Variants in GDPD5 observed in about 807,000 individuals in gnomAD.
GDPD5 encodes the protein glycerophosphodiester phosphodiesterase 2.
In GDPD5, 48 loss-of-function variants were observed where a neutral mutation model predicts 75.1. The ratio of observed to expected loss-of-function variants is 0.64; its 90% CI spans 0.51 to 0.81. GDPD5 has a LOEUF of 0.81. GDPD5 is among the 40% of genes least tolerant of loss of function. The pLI, the probability that GDPD5 is intolerant of heterozygous loss-of-function variation, is 0.00. For synonymous variants in GDPD5, 336 were observed against 339.0 expected, an observed-to-expected ratio of 0.99 and a Z score of 0.10; for missense variants, 706 against 822.6, an observed-to-expected ratio of 0.86 and a Z score of 1.73.
At chr11:75,510,985 GTCTT>G (rs1201499524) in intron 1 of GDPD5, among the ~76,000 whole-genome samples, 1 of 152,200 alleles carries the variant, frequency 6.6e-6, no homozygotes, top group Non-Finnish European at 1.5e-5. Context: ...TTTAAGGCTT[GTCTT>G]TCTTTGAAAA....
chr11:75,466,646 C>A (rs1949522994), intron 3 of GDPD5, among the ~76,000 whole-genome samples: 1 of 152,176 alleles, frequency 6.6e-6, no homozygotes, highest in African/African-American at 2.4e-5. Context: ...CACAGAAGCT[C>A]AGAGAAGGGC....
chr11:75,453,377 GGGAGGCCGAGGTGGGC>G (rs1949212979), intron 6 of GDPD5, among the ~76,000 whole-genome samples: 1 of 152,144 alleles, frequency 6.6e-6, no homozygotes, highest in African/African-American at 2.4e-5. Flanking sequence ...CCAGCACTTT[GGGAGGCCGAGGTGGGC>G]GGATCACGAG....
chr11:75,486,014 G>A (rs1950015874), intron 2 of GDPD5, among the ~76,000 whole-genome samples: 1 of 152,174 alleles, frequency 6.6e-6, no homozygotes, highest in Non-Finnish European at 1.5e-5. Context: ...GTCTGAGGCT[G>A]AACTGGAACA....
At chr11:75,500,647 C>T (rs949784175) in intron 1 of GDPD5, among the ~76,000 whole-genome samples, 3 of 152,166 alleles carry the variant, frequency 2.0e-5, no homozygotes, top group Non-Finnish European at 2.9e-5. Flanking sequence ...ACTCAAGTAT[C>T]CTGCAACCCT....
intron 1 of GDPD5, chr11:75,508,333 G>T (rs764998852): frequency 1.3e-5 from 2 of 152,234 alleles, no homozygotes; most frequent in Non-Finnish European, 2.9e-5. Flanking sequence ...CCTAGCATTA[G>T]ATCTGCCTTG....
intron 3 of GDPD5, among the ~76,000 whole-genome samples, chr11:75,470,164 G>T (rs532028000): frequency 1.3e-5 from 2 of 152,342 alleles, no homozygotes; most frequent in African/African-American, 2.4e-5. Context: ...AGAGAACAAG[G>T]TTGGGAAACC....
chr11:75,510,561 G>C (rs1039210516), intron 1 of GDPD5, among the ~76,000 whole-genome samples: 4 of 152,138 alleles, frequency 2.6e-5, no homozygotes, highest in Admixed American at 6.5e-5. Flanking sequence ...TCCTTACAGG[G>C]TCCTCATGAC....
chr11:75,518,012 G>A (rs1950679855), intron 1 of GDPD5, among the ~76,000 whole-genome samples: 1 of 152,212 alleles, frequency 6.6e-6, no homozygotes, highest in Admixed American at 6.5e-5. Context: ...TAGAGAGAAA[G>A]GGGACAGTGG....
intron 1 of GDPD5, among the ~76,000 whole-genome samples, chr11:75,513,423 C>T (rs186654762): frequency 4.4e-4 from 67 of 152,194 alleles, no homozygotes; most frequent in African/African-American, 1.3e-3. Context: ...GTCAGAGAGC[C>T]GGTGGGAGTC....
intron 2 of GDPD5, among the ~76,000 whole-genome samples, chr11:75,478,639 G>C (rs1365796701): frequency 1.3e-5 from 2 of 152,226 alleles, no homozygotes; most frequent in Non-Finnish European, 2.9e-5. Flanking sequence ...ATTTTTGTCT[G>C]TTGTATTTTC....
intron 16 of GDPD5, 47 bp from the exon 17 acceptor site, chr11:75,435,702 C>A (rs138154091): frequency 1.9e-6 from 3 of 1,550,248 alleles, no homozygotes; most frequent in South Asian, 2.4e-5. Context: ...AGGAGGCAGT[C>A]GTGAGGATGG....
At chr11:75,480,364 A>G (rs1024180439) in intron 2 of GDPD5, among the ~76,000 whole-genome samples, 37 of 152,116 alleles carry the variant, frequency 2.4e-4, no homozygotes, top group African/African-American at 8.9e-4. Context: ...TCATATGGTA[A>G]CTTTTGTTTT....
chr11:75,436,616 C>T (rs534179), intron 16 of GDPD5, among the ~76,000 whole-genome samples: 44,643 of 151,954 alleles, frequency 0.29, 6,906 homozygotes, highest in Non-Finnish European at 0.36. Context: ...GATCCAAGTA[C>T]GAACCAGGCA....
At chr11:75,462,470 G>C (rs1168516509) in intron 4 of GDPD5, among the ~76,000 whole-genome samples, 1 of 152,192 alleles carries the variant, frequency 6.6e-6, no homozygotes, top group African/African-American at 2.4e-5. Context: ...CTTTCCCTGA[G>C]TTCGCAGTAG....
At chr11:75,440,577 A>AT (rs1948765336) in intron 14 of GDPD5, among the ~76,000 whole-genome samples, 2 of 151,766 alleles carry the variant, frequency 1.3e-5, no homozygotes, top group Admixed American at 6.6e-5. Context: ...TTTTATTTTT[A>AT]TTTTTTGAGA....
At chr11:75,483,206 G>C (rs1949955231) in intron 2 of GDPD5, among the ~76,000 whole-genome samples, 3 of 152,080 alleles carry the variant, frequency 2.0e-5, no homozygotes, top group Non-Finnish European at 1.5e-5. Flanking sequence ...TCTGGGACAA[G>C]AGAACGCTCT....
At chr11:75,504,298 C>T (rs545705223) in intron 1 of GDPD5, among the ~76,000 whole-genome samples, 2 of 152,354 alleles carry the variant, frequency 1.3e-5, no homozygotes, top group East Asian at 1.9e-4. Flanking sequence ...CCACTGGGCA[C>T]GGTGGCAGGT....
chr11:75,471,272 T>G (rs1002584860), intron 3 of GDPD5, among the ~76,000 whole-genome samples: 1 of 151,912 alleles, frequency 6.6e-6, no homozygotes, highest in Non-Finnish European at 1.5e-5. Context: ...TCCGGGAGAT[T>G]TGGGGGAGGT....
chr11:75,435,812 C>T (rs1317451710), intron 16 of GDPD5, among the ~76,000 whole-genome samples, 157 bp from the exon 17 acceptor site: 1 of 152,148 alleles, frequency 6.6e-6, no homozygotes, highest in Non-Finnish European at 1.5e-5. Flanking sequence ...ACTCAAGGCC[C>T]CTTTGGTGTC....
Sources: gnomAD v4.1 joint callset for allele counts (sites outside exome capture counted in the v4.1 genomes callset) on GRCh38, gnomAD v4.1.1 for gene constraint, MANE v1.5 for transcripts, NCBI Gene and HGNC (gene_info 2026-07-23, HGNC 2026-07-21) for gene names.